Variants in ARNT observed in about 807,000 individuals in gnomAD.
ARNT encodes the protein aryl hydrocarbon receptor nuclear translocator.
A neutral mutation model predicts 105.0 loss-of-function variants in ARNT; 30 were observed. The ratio of observed to expected loss-of-function variants is 0.29; its 90% CI spans 0.21 to 0.39. The LOEUF (loss-of-function observed/expected upper bound fraction) is 0.39, where lower values mean the gene tolerates loss of function less well. Ranked by LOEUF, ARNT falls within the 10% of genes least tolerant of loss-of-function variation. ARNT has a pLI of 1.00. For missense variants in ARNT, 748 were observed against 978.7 expected (o/e 0.76, Z 3.15); for synonymous variants, 304 against 344.0 (o/e 0.88, Z 1.29).
At chr1:150,842,519 A>C (rs765936452) in intron 4 of ARNT, 51 bp from the exon 5 acceptor site, 5 of 1,319,872 alleles carry the variant, frequency 3.8e-6, no homozygotes, top group Non-Finnish European at 5.3e-6. Flanking sequence ...AAAAGAAGGA[A>C]GGAAGGGGGG....
At chr1:150,866,007 A>T (rs1430973707) in intron 1 of ARNT, among the ~76,000 whole-genome samples, 1 of 148,166 alleles carries the variant, frequency 6.7e-6, no homozygotes, top group Non-Finnish European at 1.5e-5. Context: ...TTTGAGACAG[A>T]GTCTTCGCTC....
intron 10 of ARNT, among the ~76,000 whole-genome samples, chr1:150,830,902 G>A (rs1659253647): frequency 6.6e-6 from 1 of 152,136 alleles, no homozygotes; most frequent in Non-Finnish European, 1.5e-5. Flanking sequence ...AGACTAAGTA[G>A]TTCAAATGTC....
intron 3 of ARNT, among the ~76,000 whole-genome samples, chr1:150,847,934 A>G (rs1299310740): frequency 6.6e-6 from 1 of 152,204 alleles, no homozygotes; most frequent in Non-Finnish European, 1.5e-5. Context: ...GAGTAGCCAG[A>G]AATATGAGCC....
chr1:150,863,997 C>T (rs1666112011), intron 1 of ARNT, among the ~76,000 whole-genome samples: 1 of 152,098 alleles, frequency 6.6e-6, no homozygotes, highest in South Asian at 2.1e-4. Context: ...TTACACAAAT[C>T]TAGATGGTAC....
intron 19 of ARNT, 143 bp from the exon 20 acceptor site, chr1:150,814,382 A>C (rs1243579805): frequency 2.5e-6 from 2 of 814,130 alleles, no homozygotes; most frequent in South Asian, 2.1e-5. Context: ...TATTTCTTCC[A>C]ATTAACTCTC....
intron 14 of ARNT, 79 bp from the exon 15 acceptor site, chr1:150,818,109 T>G: frequency 1.2e-5 from 12 of 976,262 alleles, no homozygotes; most frequent in East Asian, 5.2e-5. Flanking sequence ...AAGAATAAGA[T>G]TCTGTATGTA....
intron 18 of ARNT, 44 bp from the exon 19 acceptor site, chr1:150,816,450 A>G: frequency 6.3e-7 from 1 of 1,580,800 alleles, no homozygotes. Flanking sequence ...GGATAGATTT[A>G]TCACAGAAGC....
At chr1:150,850,955 G>A (rs1397545115) in intron 3 of ARNT, among the ~76,000 whole-genome samples, 4 of 149,354 alleles carry the variant, frequency 2.7e-5, no homozygotes, top group Admixed American at 6.7e-5. Flanking sequence ...GAGGTGAGGA[G>A]CCCCTCCGCC....
chr1:150,811,007 C>T lies in ARNT; in HGVS notation c.*1014G>A, dbSNP rs1314176405. 8.7e-6 allele frequency: 2 copies of T among 230,664 alleles called. No individual in the cohort carries two copies. The highest frequency in any genetic ancestry group is 1.7e-5 in the Non-Finnish European group (2 of 116,246). 14.3% of individuals were successfully genotyped at this position (230,664 alleles called of 1,614,324 possible). A position where few individuals can be genotyped will look rare whatever the true frequency, so the allele number is the denominator to read the frequency against. Reference sequence around the variant, plus strand: ...CGGCTAATCCAAGAAGTTGAGTTTCCATGCAGAAATAACCTCTACAGAACA... The same window carrying T: ...CGGCTAATCCAAGAAGTTGAGTTTCTATGCAGAAATAACCTCTACAGAACA... On this transcript the variant is annotated 3_prime_UTR_variant, in exon 22 of 22. Coordinates refer to ENST00000358595, the MANE Select transcript of ARNT (RefSeq NM_001668.4).
intron 5 of ARNT, among the ~76,000 whole-genome samples, chr1:150,840,945 CTTTTTTTTT>C (rs777444553): frequency 9.6e-6 from 1 of 103,720 alleles, no homozygotes. Context: ...CTCTCTTCTT[CTTTTTTTTT>C]TTTTTTTTTT....
chr1:150,810,594 A>G lies in ARNT; in HGVS notation c.*1427T>C. The G allele has an allele frequency of 4.7e-6, 1 of 214,358 alleles. No individual in the cohort carries two copies. The highest frequency in any genetic ancestry group is 9.4e-6 in the Non-Finnish European group (1 of 105,974). 13.3% of individuals were successfully genotyped at this position (214,358 alleles called of 1,614,324 possible). A position where few individuals can be genotyped will look rare whatever the true frequency, so the allele number is the denominator to read the frequency against. ...CTACATTTAATATATCTTCTCATTA[A>G]TTCAGTCTTGCACTTTAGCTACTGG... On this transcript the variant is annotated 3_prime_UTR_variant, in exon 22 of 22. Transcript: ENST00000358595.
chr1:150,815,863 CAAA>C (rs35003478), intron 19 of ARNT, among the ~76,000 whole-genome samples: 7 of 122,030 alleles, frequency 5.7e-5, no homozygotes, highest in African/African-American at 9.7e-5. Context: ...GACTCTGTCT[CAAA>C]AAAAAAAAAA....
At chr1:150,875,558 A>G (rs1668119417) in intron 1 of ARNT, among the ~76,000 whole-genome samples, 1 of 152,174 alleles carries the variant, frequency 6.6e-6, no homozygotes, top group Non-Finnish European at 1.5e-5. Flanking sequence ...TGGTTTTTGG[A>G]AAAGGATAGA....
At chr1:150,833,722 A>C (rs769133439) in intron 8 of ARNT, among the ~76,000 whole-genome samples, 27 of 149,136 alleles carry the variant, frequency 1.8e-4, no homozygotes, top group Non-Finnish European at 3.5e-4. Flanking sequence ...AACGTACAGT[A>C]TATAATTTAT....
In ARNT at chr1:150,871,907, CAAAAAA is replaced by C. The variant is rs776523588; in HGVS notation, c.25+4630_25+4635del. 1.8e-3 allele frequency among the ~76,000 whole-genome samples: 71 copies of C among 40,086 alleles called. 2 individuals are homozygous for C. Among genetic ancestry groups the C allele is most frequent in the Middle Eastern group, 0.021 (1 of 48 alleles). 26.3% of individuals were successfully genotyped at this position (40,086 alleles called of 152,430 possible). ...TGGGCGACACAGTAAGACCCTGTCT[CAAAAAA>C]AAAAAAAAAAAAAAAAAAAGGCCTT... On this transcript the variant is annotated intron_variant, in intron 1 of 21. Coordinates refer to ENST00000358595, the MANE Select transcript of ARNT (RefSeq NM_001668.4).
intron 13 of ARNT, among the ~76,000 whole-genome samples, chr1:150,824,458 CTTTTTT>C (rs923773809): frequency 7.2e-6 from 1 of 138,576 alleles, no homozygotes; most frequent in Admixed American, 7.3e-5. Flanking sequence ...TTTTCTTTTT[CTTTTTT>C]TTTTTTTTTG....
intron 1 of ARNT, among the ~76,000 whole-genome samples, chr1:150,871,300 T>G (rs986104517): frequency 6.8e-6 from 1 of 146,086 alleles, no homozygotes; most frequent in Non-Finnish European, 1.5e-5. Flanking sequence ...CGTGGTTTTT[T>G]TTTTTTTTTT....
intron 7 of ARNT, 40 bp from the exon 8 acceptor site, chr1:150,834,680 G>A (rs375175118): frequency 6.4e-7 from 1 of 1,566,590 alleles, no homozygotes; most frequent in Non-Finnish European, 8.8e-7. Flanking sequence ...GTGCATTTTT[G>A]TGTGTGGGGA....
chr1:150,843,012 A>G (rs1661554443), intron 4 of ARNT, among the ~76,000 whole-genome samples: 1 of 152,232 alleles, frequency 6.6e-6, no homozygotes, highest in Non-Finnish European at 1.5e-5. Context: ...CCTCTCACAC[A>G]AACAACACAT....
Sources: allele counts gnomAD v4.1 joint callset (sites outside exome capture counted in the v4.1 genomes callset), GRCh38; gene constraint gnomAD v4.1.1; transcripts MANE v1.5; gene names NCBI Gene and HGNC (gene_info 2026-07-23, HGNC 2026-07-21).